The following CCDC9B variants were observed in gnomAD, a reference collection of about 807,000 sequenced individuals.
CCDC9B encodes the protein coiled-coil domain-containing protein 9B.
A neutral mutation model predicts 47.2 loss-of-function variants in CCDC9B; 40 were observed. The ratio of observed to expected loss-of-function variants is 0.85; its 90% CI spans 0.66 to 1.10. CCDC9B has a LOEUF of 1.10. Ranked by LOEUF, CCDC9B falls within the 50% of genes least tolerant of loss-of-function variation. The pLI, the probability that CCDC9B is intolerant of heterozygous loss-of-function variation, is 0.00. For synonymous variants in CCDC9B, 238 were observed against 250.7 expected, an observed-to-expected ratio of 0.95 and a Z score of 0.48; for missense variants, 662 against 651.0, an observed-to-expected ratio of 1.02 and a Z score of -0.18.
Position 40,336,760 on chromosome 15 carries a change from C to T in CCDC9B, c.796G>A (p.Gly266Ser). The change falls in exon 8 of 11, where the codon GGT becomes AGT. Residue 266 changes from glycine (G) to serine (S), a missense_variant and splice_region_variant. Coordinates refer to ENST00000397536, the MANE Select transcript of CCDC9B (RefSeq NM_207380.3). The part of the protein sequence containing the change: ...QPPPLLPDGK[G>S]RGGQASRPSV... ...TGGCCCCTCCTCCTCCCCAACTCAC[C>T]TTTTCCATCAGGGAGCAATGGTGGG... 1 of 1,600,078 alleles carries T rather than the reference C, an allele frequency of 6.2e-7. No homozygotes were observed. Among genetic ancestry groups the T allele is most frequent in the Non-Finnish European group, 8.5e-7 (1 of 1,173,638 alleles).
Position 40,335,116 on chromosome 15 carries a change from T to G in CCDC9B, c.*42A>C, listed in dbSNP as rs775795228. Reference sequence around the variant, plus strand: ...GAGGGCCTTTAACAGAGTGATTCCCTTTTCCTCTCCCCGGGGACTCCCCAG... The same window carrying G: ...GAGGGCCTTTAACAGAGTGATTCCCGTTTCCTCTCCCCGGGGACTCCCCAG... On this transcript the variant is annotated 3_prime_UTR_variant, in exon 11 of 11. Transcript: ENST00000397536. 2 of 1,467,986 alleles carry G rather than the reference T, an allele frequency of 1.4e-6. No individual in the cohort carries two copies. The highest frequency in any genetic ancestry group is 1.8e-6 in the Non-Finnish European group (2 of 1,107,968). 90.9% of individuals were successfully genotyped at this position (1,467,986 alleles called of 1,614,324 possible).
chr15:40,338,448 A>T, intron 5 of CCDC9B, 87 bp downstream of exon 5: 2 of 1,480,668 alleles, frequency 1.4e-6, no homozygotes, highest in East Asian at 2.3e-5. Context: ...CGTCCCCGCA[A>T]ATGAGGGACA....
At chr15:40,339,858 G>C in intron 2 of CCDC9B, 47 bp downstream of exon 2, 4 of 1,488,144 alleles carry the variant, frequency 2.7e-6, no homozygotes, top group Non-Finnish European at 3.7e-6. Flanking sequence ...GGGGCACAGG[G>C]AGCGGCAGCC....
At chr15:40,337,121 G>C (rs888831231) in intron 7 of CCDC9B, 1 of 623,520 alleles carries the variant, frequency 1.6e-6, no homozygotes, top group East Asian at 2.7e-5. Flanking sequence ...CACCCTTTAG[G>C]GACCTCAAAG....
Position 40,335,650 on chromosome 15 carries a change from C to T in CCDC9B, c.981G>A (p.Lys327=). The stretch of plus-strand genomic sequence containing the variant: ...GTCGGCCCTGCTCCATCCCGCTCTG[C>T]TTCTGGGCTTGCTCCTCCTCACTGG... ...ETPSEEEQAQ[K]QSGMEQGRLG... The change falls in exon 11 of 11, where the codon AAG becomes AAA. Residue 327 remains lysine (K), a synonymous_variant. Coordinates refer to ENST00000397536, the MANE Select transcript of CCDC9B (RefSeq NM_207380.3). 3 of 1,533,186 alleles carry T rather than the reference C, an allele frequency of 2.0e-6. No homozygotes were observed. The highest frequency in any genetic ancestry group is 1.4e-5 in the African/African-American group (1 of 73,160). 95.0% of individuals were successfully genotyped at this position (1,533,186 alleles called of 1,614,324 possible).
intron 2 of CCDC9B, 125 bp downstream of exon 2, chr15:40,339,780 T>C: frequency 7.1e-7 from 1 of 1,404,712 alleles, no homozygotes. Flanking sequence ...AGAGGGACCA[T>C]GCCCACCCTA....
Position 40,335,058 on chromosome 15 carries a change from G to A in CCDC9B, c.*100C>T, listed in dbSNP as rs775301727. 6 of 1,225,816 alleles carry A rather than the reference G, an allele frequency of 4.9e-6. No individual in the cohort carries two copies. The highest frequency in any genetic ancestry group is 4.5e-5 in the African/African-American group (3 of 66,306). The allele number at this position is 1,225,816 out of a possible 1,614,324, so 75.9% of individuals were successfully genotyped here. A position where few individuals can be genotyped will look rare whatever the true frequency, so the allele number is the denominator to read the frequency against. The stretch of plus-strand genomic sequence containing the variant: ...TGCCACACTGCTCAGTGACAATGGC[G>A]CAAGCCACCGGCAACCACATGGCCA... On this transcript the variant is annotated 3_prime_UTR_variant, in exon 11 of 11. Transcript: ENST00000397536.
At position 40,333,776 on chromosome 15, in the gene CCDC9B, A is replaced by C. The variant is rs1021165173; in HGVS notation, c.*1382T>G. On this transcript the variant is annotated 3_prime_UTR_variant, in exon 11 of 11. Coordinates refer to ENST00000397536, the MANE Select transcript of CCDC9B (RefSeq NM_207380.3). ...TGGGACCCCACAGTTTAGGCTTCAC[A>C]TTGGGCAGTGGAGAAATCCCAGGGT... The C allele has an allele frequency of 4.1e-5, 15 of 363,134 alleles. No individual in the cohort carries two copies. In the South Asian group the frequency reaches 1.5e-3, roughly 37 times the overall value. The allele number at this position is 363,134 out of a possible 1,614,324, so 22.5% of individuals were successfully genotyped here.
chr15:40,338,416 C>G, intron 5 of CCDC9B, 119 bp downstream of exon 5: 1 of 1,192,154 alleles, frequency 8.4e-7, no homozygotes, highest in South Asian at 1.4e-5. Flanking sequence ...AGCAGGAACT[C>G]CTGCATGTGC....
At chr15:40,338,390 A>G (rs1889013173) in intron 5 of CCDC9B, 145 bp downstream of exon 5, 2 of 960,178 alleles carry the variant, frequency 2.1e-6, no homozygotes, top group African/African-American at 3.3e-5. Context: ...GAGACTGGCC[A>G]GAGAAAGGGA....
rs764363675 is a variant in CCDC9B at position 40,336,583 on chromosome 15, C to T, written c.878G>A (p.Arg293Lys). 3 of 1,611,982 alleles carry T rather than the reference C, an allele frequency of 1.9e-6. No individual in the cohort carries two copies. Among genetic ancestry groups the T allele is most frequent in the Non-Finnish European group, 2.5e-6 (3 of 1,179,572 alleles). ...KARGKERLTG[R>K]ARRWDMKEDK... ...CCCTGCCACCTGTTACCTTCGGGCC[C>T]TGCCAGTCAGCCTCTCCTTGCCCCG... is the stretch of plus-strand genomic sequence containing the variant. The change falls in exon 9 of 11, where the codon AGG (arginine) becomes AAG (lysine). Residue 293 changes from arginine to lysine, a missense_variant. Coordinates refer to ENST00000397536, the MANE Select transcript of CCDC9B (RefSeq NM_207380.3).
In CCDC9B at chr15:40,333,566, T is replaced by TA. The variant is rs3067241; in HGVS notation, c.*1591dup. 811 of 65,534 alleles carry TA rather than the reference T, an allele frequency of 0.012. 15 individuals are homozygous for TA. Among genetic ancestry groups the TA allele is most frequent in the South Asian group, 0.031 (45 of 1,434 alleles). 4.1% of individuals were successfully genotyped at this position (65,534 alleles called of 1,614,324 possible). ...TAGGTGATAACAGCAGGACCCTAAC[T>TA]AAAAAAAAAAAAAAAAAAAAAAGAC... is the stretch of plus-strand genomic sequence containing the variant. On this transcript the variant is annotated 3_prime_UTR_variant, in exon 11 of 11. Transcript: ENST00000397536.
At position 40,331,538 on chromosome 15, in the gene CCDC9B, TC is replaced by T. The variant is rs1888861421; in HGVS notation, c.*3619del. 6.6e-6 allele frequency: 1 copy of T among 151,990 alleles called. No homozygotes were observed. Among genetic ancestry groups the T allele is most frequent in the Non-Finnish European group, 1.5e-5 (1 of 67,970 alleles). 9.4% of individuals were successfully genotyped at this position (151,990 alleles called of 1,614,324 possible). ...CGCTACTGTTAAGACAGAGTCCAAC[TC>T]CAACTGCGGGCAGGTATGTTTTCCA... On this transcript the variant is annotated 3_prime_UTR_variant, in exon 11 of 11. Coordinates refer to ENST00000397536, the MANE Select transcript of CCDC9B (RefSeq NM_207380.3).
rs1265556501 is a variant in CCDC9B at position 40,338,824 on chromosome 15, T to A, written c.311A>T (p.Asp104Val). 1.9e-6 allele frequency: 3 copies of A among 1,614,008 alleles called. No individual in the cohort carries two copies. The highest frequency in any genetic ancestry group is 2.5e-6 in the Non-Finnish European group (3 of 1,179,988). Residue 104 changes from aspartate (D) to valine (V), a missense_variant, in exon 4 of 11, where the codon GAT becomes GTT. Asp to Val is a radical substitution (Grantham distance 152). Coordinates refer to ENST00000397536, the MANE Select transcript of CCDC9B (RefSeq NM_207380.3). ...GAAAGTACCCCCGTGGTCCTCAGCA[T>A]CCTCATCCTCAAGCATCTCGTTGGT... Reference protein sequence around the residue: ...RVTNEMLEDEDAEDHGGTFCL... With the variant: ...RVTNEMLEDEVAEDHGGTFCL...
intron 7 of CCDC9B, 84 bp from the exon 8 acceptor site, chr15:40,336,897 T>C: frequency 7.2e-7 from 1 of 1,396,050 alleles, no homozygotes; most frequent in Non-Finnish European, 9.9e-7. Context: ...CTCAGGAAGC[T>C]GTCAGTCCTC....
rs1223155918 is a variant in CCDC9B, at chr15:40,335,707, C to T, written c.931-7G>A. The T allele has an allele frequency of 5.1e-6, 8 of 1,569,838 alleles. No homozygotes were observed. Among genetic ancestry groups the T allele is most frequent in the Non-Finnish European group, 6.1e-6 (7 of 1,156,080 alleles). On this transcript the variant is annotated splice_polypyrimidine_tract_variant and splice_region_variant and intron_variant, in intron 10 of 10. Coordinates refer to ENST00000397536, the MANE Select transcript of CCDC9B (RefSeq NM_207380.3). Reference sequence around the variant, plus strand: ...CTCTGGTGCTTTGGCTTCCCTGAAACAAGAGAATAGCCCCGGTGGCTGATG... The same window carrying T: ...CTCTGGTGCTTTGGCTTCCCTGAAATAAGAGAATAGCCCCGGTGGCTGATG...
intron 7 of CCDC9B, 180 bp downstream of exon 7, chr15:40,337,208 A>T: frequency 1.4e-6 from 1 of 733,520 alleles, no homozygotes; most frequent in South Asian, 1.5e-5. Flanking sequence ...GTGGGCTCAG[A>T]GGGGAGGATG....
intron 2 of CCDC9B, 76 bp from the exon 3 acceptor site, chr15:40,339,695 C>G (rs1487649727): frequency 6.3e-6 from 10 of 1,590,044 alleles, no homozygotes; most frequent in Non-Finnish European, 7.7e-6. Context: ...TAGGCCTACA[C>G]AGAGAGACAC....
At chr15:40,338,698 G>A (rs1331195821) in intron 4 of CCDC9B, 38 bp from the exon 5 acceptor site, 1 of 1,611,586 alleles carries the variant, frequency 6.2e-7, no homozygotes, top group East Asian at 2.2e-5. Context: ...GCAGAGCCAG[G>A]GAGGAAGAGG....
Sources: allele counts gnomAD v4.1 joint callset, GRCh38; gene constraint gnomAD v4.1.1; transcripts MANE v1.5; gene names NCBI Gene and HGNC (gene_info 2026-07-23, HGNC 2026-07-21).